DNAJC22: variants seen among roughly 807,000 people sequenced by gnomAD.
The protein encoded by DNAJC22 is DnaJ heat shock protein family (Hsp40) member C22.
A neutral mutation model predicts 22.2 loss-of-function variants in DNAJC22; 24 were observed. The observed-to-expected ratio is 1.08, with a 90% CI of 0.78 to 1.52. DNAJC22 has a LOEUF of 1.52. DNAJC22 is among the 40% of genes most tolerant of loss of function. The pLI is 0.00. For synonymous variants in DNAJC22, 160 were observed against 167.4 expected (o/e 0.96, Z 0.34); for missense variants, 434 against 421.7 (o/e 1.03, Z -0.26).
chr12:49,351,265 G>A lies in DNAJC22; in HGVS notation c.841-52G>A, dbSNP rs1359712996. The A allele has an allele frequency of 3.1e-6, 5 of 1,611,170 alleles. No homozygotes were observed. The African/African-American group carries it at 5.4e-5, about 17-fold the overall frequency. ...TAGCAAAGGTGCAAGGAGAGGCCCA[G>A]GTACCCTGACAACTTGGGGGATTCT... On this transcript the variant is annotated intron_variant, in intron 3 of 3. Coordinates refer to ENST00000549441, the MANE Select transcript of DNAJC22 (RefSeq NM_001304944.2).
chr12:49,349,279 G>A lies in DNAJC22; in HGVS notation c.407G>A (p.Gly136Glu). The A allele has an allele frequency of 6.2e-7, 1 of 1,614,134 alleles. No individual in the cohort carries two copies. The highest frequency in any genetic ancestry group is 8.5e-7 in the Non-Finnish European group (1 of 1,180,022). Residue 136 changes from glycine (G) to glutamate (E), a missense_variant, in exon 3 of 4, where the codon GGG becomes GAG. Gly to Glu is a moderately conservative substitution (Grantham distance 98). Transcript: ENST00000549441. ...ACCTCAGACTTTAAGAACACTCTGGGGTCAGCATTTCTCACTTCACCTATC... is the reference window on the plus strand; with the variant it reads ...ACCTCAGACTTTAAGAACACTCTGGAGTCAGCATTTCTCACTTCACCTATC... ...NQTSDFKNTL[G>E]SAFLTSPIFY...
Position 49,346,993 on chromosome 12 carries a change from A to C in DNAJC22, c.-1128A>C, listed in dbSNP as rs1298879761. On this transcript the variant is annotated 5_prime_UTR_variant, in exon 1 of 4. Coordinates refer to ENST00000549441, the MANE Select transcript of DNAJC22 (RefSeq NM_001304944.2). Reference sequence around the variant, plus strand: ...GCTCTGCCTACTGCCGGGAGGTGACACCCGCGAGGCCGACCGTCCCCCGAA... The same window carrying C: ...GCTCTGCCTACTGCCGGGAGGTGACCCCCGCGAGGCCGACCGTCCCCCGAA... 6.6e-6 allele frequency: 1 copy of C among 152,236 alleles called. No individual in the cohort carries two copies. Among genetic ancestry groups the C allele is most frequent in the Non-Finnish European group, 1.5e-5 (1 of 68,088 alleles). The allele number at this position is 152,236 out of a possible 1,614,324, so 9.4% of individuals were successfully genotyped here. A position where few individuals can be genotyped will look rare whatever the true frequency, so the allele number is the denominator to read the frequency against.
chr12:49,350,716 TC>T (rs111236181), intron 3 of DNAJC22, among the ~76,000 whole-genome samples: 12,898 of 151,842 alleles, frequency 0.085, 1,162 homozygotes, highest in African/African-American at 0.23. Flanking sequence ...CAGGCTGGTC[TC>T]GAACTCCCGA....
chr12:49,348,912 G>A lies in DNAJC22; in HGVS notation c.40G>A (p.Val14Met). ...GLLVTYALWA[V>M]GGPAGLHHLY... ...CCTGGTGACCTATGCCCTCTGGGCTGTGGGGGGCCCTGCTGGGCTCCACCA... is the reference window on the plus strand; with the variant it reads ...CCTGGTGACCTATGCCCTCTGGGCTATGGGGGGCCCTGCTGGGCTCCACCA... Residue 14 changes from valine (V) to methionine (M), a missense_variant, in exon 3 of 4, where the codon GTG becomes ATG. Transcript: ENST00000549441. 7.9e-6 allele frequency: 12 copies of A among 1,519,670 alleles called. No homozygotes were observed. Among genetic ancestry groups the A allele is most frequent in the South Asian group, 1.3e-5 (1 of 74,932 alleles). The allele number at this position is 1,519,670 out of a possible 1,614,324, so 94.1% of individuals were successfully genotyped here. A position where few individuals can be genotyped will look rare whatever the true frequency, so the allele number is the denominator to read the frequency against.
Position 49,349,488 on chromosome 12 carries a change from G to T in DNAJC22, c.616G>T (p.Ala206Ser), listed in dbSNP as rs1360326892. The change falls in exon 3 of 4, where the codon GCC becomes TCC. Residue 206 changes from alanine to serine, a missense_variant. Transcript: ENST00000549441. ...LAYSALCNTA[A>S]TLSYVAETFG... ...ATACAGTGCCCTCTGCAACACAGCT[G>T]CCACCCTCAGCTATGTGGCAGAAAC... The T allele has an allele frequency of 6.2e-7, 1 of 1,614,228 alleles. No homozygotes were observed. The highest frequency in any genetic ancestry group is 1.3e-5 in the African/African-American group (1 of 75,064).
At position 49,348,764 on chromosome 12, in the gene DNAJC22, A is replaced by C. The variant is rs967281279; in HGVS notation, c.-107-2A>C. On this transcript the variant is annotated splice_acceptor_variant, in intron 2 of 3. Coordinates refer to ENST00000549441, the MANE Select transcript of DNAJC22 (RefSeq NM_001304944.2). LOFTEE classifies it low-confidence loss of function (5UTR_SPLICE). The stretch of plus-strand genomic sequence containing the variant: ...ATGACTCTACTTTTTCCCATCTCTT[A>C]GGGTCTAAGGATAACTCTGGGGCCA... 7.3e-7 allele frequency: 1 copy of C among 1,365,974 alleles called. No individual in the cohort carries two copies. The highest frequency in any genetic ancestry group is 9.5e-7 in the Non-Finnish European group (1 of 1,050,776). 84.6% of individuals were successfully genotyped at this position (1,365,974 alleles called of 1,614,324 possible).
rs543314938 is a variant in DNAJC22 at position 49,349,273 on chromosome 12, C to T, written c.401C>T (p.Thr134Ile). The T allele has an allele frequency of 6.2e-7, 1 of 1,614,216 alleles. No individual in the cohort carries two copies. The highest frequency in any genetic ancestry group is 2.2e-5 in the East Asian group (1 of 44,884). ...AACCAGACCTCAGACTTTAAGAACA[C>T]TCTGGGGTCAGCATTTCTCACTTCA... ...VGNQTSDFKN[T>I]LGSAFLTSPI... is the part of the protein sequence containing the mutation. The change falls in exon 3 of 4, where the codon ACT becomes ATT. Residue 134 changes from threonine to isoleucine, a missense_variant. Transcript: ENST00000549441.
chr12:49,349,835 A>C, intron 3 of DNAJC22, 123 bp downstream of exon 3: 2 of 1,525,524 alleles, frequency 1.3e-6, no homozygotes, highest in Non-Finnish European at 1.7e-6. Flanking sequence ...ATCTGTGTAC[A>C]ATGGGCAAAG....
Position 49,348,990 on chromosome 12 carries a change from G to T in DNAJC22, c.118G>T (p.Gly40Ter). The T allele has an allele frequency of 6.4e-7, 1 of 1,560,330 alleles. No homozygotes were observed. Residue 40 changes from glycine (G) to a stop codon, truncating the protein, a stop_gained, in exon 3 of 4, where the codon GGA becomes TGA. Coordinates refer to ENST00000549441, the MANE Select transcript of DNAJC22 (RefSeq NM_001304944.2). LOFTEE classifies it high-confidence loss of function. ...HALLWMLTLGGGGLGWLWEFW... is the reference protein window; with the variant it reads ...HALLWMLTLG The stretch of plus-strand genomic sequence containing the variant: ...CCTGCTCTGGATGCTGACCCTGGGG[G>T]GAGGTGGGCTGGGCTGGCTCTGGGA...
rs746163740 is a variant in DNAJC22, at chr12:49,349,403, G to T, written c.531G>T (p.Pro177=). Reference sequence around the variant, plus strand: ...ACAAAGCTTTGGTGGCATCAGAGCCGCTCAGTGTGCGGCTCTATCGTCTGG... The same window carrying T: ...ACAAAGCTTTGGTGGCATCAGAGCCTCTCAGTGTGCGGCTCTATCGTCTGG... ...RRYKALVASE[P]LSVRLYRLGL... is the part of the protein sequence containing the mutation. The change falls in exon 3 of 4, where the codon CCG becomes CCT. Residue 177 remains proline (P), a synonymous_variant. Coordinates refer to ENST00000549441, the MANE Select transcript of DNAJC22 (RefSeq NM_001304944.2). The T allele has an allele frequency of 1.9e-5, 30 of 1,609,504 alleles. No individual in the cohort carries two copies. The highest frequency in any genetic ancestry group is 8.0e-5 in the African/African-American group (6 of 74,634).
chr12:49,349,274 T>C lies in DNAJC22; in HGVS notation c.402T>C (p.Thr134=), dbSNP rs745415738. 78 of 1,614,056 alleles carry C rather than the reference T, an allele frequency of 4.8e-5. No homozygotes were observed. The East Asian group carries it at 1.5e-3, about 31-fold the overall frequency. The change falls in exon 3 of 4, where the codon ACT becomes ACC. Residue 134 remains threonine, a synonymous_variant. Transcript: ENST00000549441. ...ACCAGACCTCAGACTTTAAGAACAC[T>C]CTGGGGTCAGCATTTCTCACTTCAC... ...VGNQTSDFKN[T]LGSAFLTSPI...
At chr12:49,348,508 G>A (rs766031952) in intron 2 of DNAJC22, among the ~76,000 whole-genome samples, 32 of 152,056 alleles carry the variant, frequency 2.1e-4, no homozygotes, top group Non-Finnish European at 3.7e-4. Flanking sequence ...ATGCAGCCCT[G>A]CCCCTCCACA....
rs2137097448 is a variant in DNAJC22 at position 49,352,217 on chromosome 12, A to T, written c.*715A>T. 1 of 152,220 alleles carries T rather than the reference A, an allele frequency of 6.6e-6. No individual in the cohort carries two copies. The highest frequency in any genetic ancestry group is 1.9e-4 in the East Asian group (1 of 5,208). The allele number at this position is 152,220 out of a possible 1,614,324, so 9.4% of individuals were successfully genotyped here. On this transcript the variant is annotated 3_prime_UTR_variant, in exon 4 of 4. Coordinates refer to ENST00000549441, the MANE Select transcript of DNAJC22 (RefSeq NM_001304944.2). ...AGAAAGATTATTTAACTATTTTTTT[A>T]AATGTGTAAAGCAGCAGGGCATAGT...
chr12:49,349,846 G>T, intron 3 of DNAJC22, 134 bp downstream of exon 3: 2 of 1,504,004 alleles, frequency 1.3e-6, no homozygotes, highest in Non-Finnish European at 8.8e-7. Context: ...ATGGGCAAAG[G>T]TTACAGATGC....
At chr12:49,350,335 C>T (rs1407177130) in intron 3 of DNAJC22, among the ~76,000 whole-genome samples, 1 of 152,046 alleles carries the variant, frequency 6.6e-6, no homozygotes, top group Non-Finnish European at 1.5e-5. Context: ...CCTTTGCCTC[C>T]CAAAGTGCTG....
rs1291205873 is a variant in DNAJC22 at position 49,353,485 on chromosome 12, C to A, written c.*1983C>A. On this transcript the variant is annotated 3_prime_UTR_variant, in exon 4 of 4. Transcript: ENST00000549441. ...GCAACATGGCAAAACTCCATCTCTA[C>A]AAAAAGTACAAAAATGAGCCAGGTG... The A allele has an allele frequency of 1.3e-5, 2 of 151,994 alleles. No homozygotes were observed. The highest frequency in any genetic ancestry group is 4.8e-5 in the African/African-American group (2 of 41,360). The allele number at this position is 151,994 out of a possible 1,614,324, so 9.4% of individuals were successfully genotyped here. A position where few individuals can be genotyped will look rare whatever the true frequency, so the allele number is the denominator to read the frequency against.
Position 49,348,913 on chromosome 12 carries a change from TG to T in DNAJC22, c.47del (p.Gly16AlafsTer21). 2 of 1,519,494 alleles carry T rather than the reference TG, an allele frequency of 1.3e-6. No homozygotes were observed. The highest frequency in any genetic ancestry group is 1.3e-5 in the South Asian group (1 of 74,928). The allele number at this position is 1,519,494 out of a possible 1,614,324, so 94.1% of individuals were successfully genotyped here. On this transcript the variant is annotated frameshift_variant, in exon 3 of 4. Transcript: ENST00000549441. LOFTEE classifies it high-confidence loss of function. ...CTGGTGACCTATGCCCTCTGGGCTG[TG>T]GGGGGCCCTGCTGGGCTCCACCACC... ...GLLVTYALWA[V>X]GGPAGLHHLY... is the part of the protein sequence containing the mutation.
chr12:49,348,630 G>T (rs1325728914), intron 2 of DNAJC22, 136 bp from the exon 3 acceptor site: 1 of 405,938 alleles, frequency 2.5e-6, no homozygotes, highest in East Asian at 3.7e-5. Context: ...GGACTGAGGT[G>T]CTAGGACAAG....
chr12:49,348,834 C>A lies in DNAJC22; in HGVS notation c.-39C>A. Reference sequence around the variant, plus strand: ...AGAGGACCCCGAGACTTCTGTGCTGCGAGTAACCGGACTTGTTCTGAGACC... The same window carrying A: ...AGAGGACCCCGAGACTTCTGTGCTGAGAGTAACCGGACTTGTTCTGAGACC... On this transcript the variant is annotated 5_prime_UTR_variant, in exon 3 of 4. Transcript: ENST00000549441. 4 of 1,454,268 alleles carry A rather than the reference C, an allele frequency of 2.8e-6. No individual in the cohort carries two copies. The highest frequency in any genetic ancestry group is 3.6e-6 in the Non-Finnish European group (4 of 1,102,670). 90.1% of individuals were successfully genotyped at this position (1,454,268 alleles called of 1,614,324 possible).
Sources: allele counts gnomAD v4.1 joint callset (sites outside exome capture counted in the v4.1 genomes callset), GRCh38; gene constraint gnomAD v4.1.1; transcripts MANE v1.5; gene names NCBI Gene and HGNC (gene_info 2026-07-23, HGNC 2026-07-21).